RHOBTB3: variants seen among roughly 807,000 people sequenced by gnomAD.
RHOBTB3 encodes rho-related BTB domain-containing protein 3.
Under a neutral mutation model 67.2 loss-of-function variants are expected in RHOBTB3, and 47 were observed. The ratio of observed to expected loss-of-function variants is 0.70; its 90% CI spans 0.55 to 0.89. The LOEUF is 0.89. Ranked by LOEUF, RHOBTB3 falls within the 40% of genes least tolerant of loss-of-function variation. The pLI is 0.00. For synonymous variants in RHOBTB3, 273 were observed against 274.2 expected (o/e 1.00, Z 0.04); for missense variants, 631 against 750.0 (o/e 0.84, Z 1.85).
At chr5:95,727,783 C>G (rs962550324), upstream of RHOBTB3, among the ~76,000 whole-genome samples, 1 of 152,220 alleles carries the variant, frequency 6.6e-6, no homozygotes, top group Admixed American at 6.5e-5. Context: ...AATGGACCAT[C>G]TGTGATATTC....
intron 8 of RHOBTB3, among the ~76,000 whole-genome samples, chr5:95,776,043 ATAT>A (rs1340031338): frequency 6.6e-6 from 1 of 152,208 alleles, no homozygotes; most frequent in Non-Finnish European, 1.5e-5. Context: ...TGTAACTTTG[ATAT>A]TATCAATACA....
At chr5:95,739,224 C>T (rs753735249) in intron 3 of RHOBTB3, among the ~76,000 whole-genome samples, 6 of 152,210 alleles carry the variant, frequency 3.9e-5, no homozygotes, top group East Asian at 1.9e-4. Flanking sequence ...AGACCCAGCC[C>T]GATTCCGCAT....
At chr5:95,733,430 T>A (rs1755363234) in intron 2 of RHOBTB3, among the ~76,000 whole-genome samples, 1 of 152,220 alleles carries the variant, frequency 6.6e-6, no homozygotes, top group South Asian at 2.1e-4. Flanking sequence ...AAAATAAAAC[T>A]AGCTACATTA....
upstream of RHOBTB3, chr5:95,730,746 A>G: frequency 3.1e-6 from 1 of 324,678 alleles, no homozygotes. Flanking sequence ...ATAGTAAATA[A>G]TCCCCCCAAG....
intron 1 of RHOBTB3, among the ~76,000 whole-genome samples, chr5:95,720,540 GC>G (rs1754839644): frequency 6.6e-6 from 1 of 152,160 alleles, no homozygotes; most frequent in Non-Finnish European, 1.5e-5. Context: ...GTGGGTGGTG[GC>G]CTAGTAACAG....
At chr5:95,758,283 C>G (rs909820510) in intron 6 of RHOBTB3, among the ~76,000 whole-genome samples, 1 of 152,226 alleles carries the variant, frequency 6.6e-6, no homozygotes, top group African/African-American at 2.4e-5. Flanking sequence ...ACCCTAGACC[C>G]TTTCCCCGGA....
chr5:95,789,142 T>C, intron 11 of RHOBTB3: 1 of 302,632 alleles, frequency 3.3e-6, no homozygotes, highest in East Asian at 9.4e-5. Context: ...TGACAAAATG[T>C]GTCCTCAGGT....
chr5:95,752,730 A>G lies in RHOBTB3; in HGVS notation c.682+380A>G, dbSNP rs550039924. On this transcript the variant is annotated intron_variant, in intron 5 of 11. Coordinates refer to ENST00000379982, the MANE Select transcript of RHOBTB3 (RefSeq NM_014899.4). The stretch of plus-strand genomic sequence containing the variant: ...GTTCTTGGGACATGGGTTAAATTTT[A>G]ATACGGACTGGAAATTAGATTATAT... Among the ~76,000 whole-genome samples, 6 of 152,352 alleles carry G rather than the reference A, an allele frequency of 3.9e-5. No individual in the cohort carries two copies. In the South Asian group the frequency reaches 1.2e-3, roughly 32 times the overall value.
chr5:95,781,098 GTTC>G (rs1438833372), intron 9 of RHOBTB3, among the ~76,000 whole-genome samples: 1 of 152,188 alleles, frequency 6.6e-6, no homozygotes, highest in African/African-American at 2.4e-5. Flanking sequence ...ATCCAGCAGG[GTTC>G]TTCTAGCTGG....
intron 10 of RHOBTB3, among the ~76,000 whole-genome samples, chr5:95,785,355 G>A (rs112484722): frequency 0.21 from 31,354 of 152,110 alleles, 3,290 homozygotes; most frequent in South Asian, 0.27. Context: ...ACTTTGGGAG[G>A]CCGAGGCTGG....
chr5:95,760,059 C>T (rs1745353704), intron 6 of RHOBTB3, among the ~76,000 whole-genome samples: 1 of 151,726 alleles, frequency 6.6e-6, no homozygotes, highest in African/African-American at 2.4e-5. Flanking sequence ...TCACCATGAA[C>T]ATTTGGTTCG....
chr5:95,793,782 G>A lies in RHOBTB3; in HGVS notation c.*608G>A, dbSNP rs1746491158. On this transcript the variant is annotated 3_prime_UTR_variant, in exon 12 of 12. Transcript: ENST00000379982. Reference sequence around the variant, plus strand: ...TTATCTCCTTTTGGCAATCTGAGTAGGCGGGGAACCTAGGCAGGGCTGGCT... The same window carrying A: ...TTATCTCCTTTTGGCAATCTGAGTAAGCGGGGAACCTAGGCAGGGCTGGCT... 3.4e-6 allele frequency: 1 copy of A among 292,292 alleles called. No homozygotes were observed. The highest frequency in any genetic ancestry group is 4.5e-5 in the Admixed American group (1 of 22,080). The allele number at this position is 292,292 out of a possible 1,614,324, so 18.1% of individuals were successfully genotyped here. A position where few individuals can be genotyped will look rare whatever the true frequency, so the allele number is the denominator to read the frequency against.
chr5:95,769,123 G>T, intron 8 of RHOBTB3: 1 of 366,932 alleles, frequency 2.7e-6, no homozygotes, highest in South Asian at 2.7e-5. Context: ...TCAAGGTGTC[G>T]ACCTTTTAGC....
chr5:95,748,276 T>C, intron 3 of RHOBTB3, 57 bp from the exon 4 acceptor site: 1 of 1,341,166 alleles, frequency 7.5e-7, no homozygotes, highest in Non-Finnish European at 1.0e-6. Context: ...ATTGTCTGTG[T>C]ACCTTTTTTT....
chr5:95,786,509 A>C (rs1251799973), intron 10 of RHOBTB3, among the ~76,000 whole-genome samples: 1 of 152,236 alleles, frequency 6.6e-6, no homozygotes, highest in Non-Finnish European at 1.5e-5. Flanking sequence ...CTCTTAAAAT[A>C]CAAGAGTTGA....
In RHOBTB3 at chr5:95,755,549, A is replaced by T. The variant is rs1433872750; in HGVS notation, c.836A>T (p.His279Leu). 1.2e-6 allele frequency: 2 copies of T among 1,614,172 alleles called. No homozygotes were observed. Among genetic ancestry groups the T allele is most frequent in the African/African-American group, 1.3e-5 (1 of 75,050 alleles). Residue 279 changes from histidine to leucine, a missense_variant, in exon 6 of 12, where the codon CAT becomes CTT. His to Leu is a moderately conservative substitution (Grantham distance 99). Coordinates refer to ENST00000379982, the MANE Select transcript of RHOBTB3 (RefSeq NM_014899.4). ...AAGATCGTTCTCTGCGCTGTAAGCC[A>T]TGTTTTCATGCTGCTTTTCAATGTG... The part of the protein sequence containing the change: ...AHKIVLCAVS[H>L]VFMLLFNVKS...
At chr5:95,759,212 G>A (rs1422979326) in intron 6 of RHOBTB3, among the ~76,000 whole-genome samples, 2 of 152,194 alleles carry the variant, frequency 1.3e-5, no homozygotes, top group East Asian at 3.9e-4. Flanking sequence ...GTCCCATTTC[G>A]GCTGTGATCT....
Position 95,768,042 on chromosome 5 carries a change from A to G in RHOBTB3, c.1162-4A>G. On this transcript the variant is annotated splice_polypyrimidine_tract_variant and splice_region_variant and intron_variant, in intron 7 of 11. Transcript: ENST00000379982. ...TTTCCCTGTATTTTTGTTTTCCCTT[A>G]TAGATTAATTGCCTAAGGAATTGCA... The G allele has an allele frequency of 1.2e-6, 2 of 1,612,640 alleles. No homozygotes were observed. Among genetic ancestry groups the G allele is most frequent in the South Asian group, 1.1e-5 (1 of 90,864 alleles).
chr5:95,747,829 A>G (rs1364956195), intron 3 of RHOBTB3, among the ~76,000 whole-genome samples: 1 of 152,242 alleles, frequency 6.6e-6, no homozygotes, highest in African/African-American at 2.4e-5. Flanking sequence ...TTACAAAGAG[A>G]GTGACAATTT....
Sources: gnomAD v4.1 joint callset for allele counts (sites outside exome capture counted in the v4.1 genomes callset) on GRCh38, gnomAD v4.1.1 for gene constraint, MANE v1.5 for transcripts, NCBI Gene and HGNC (gene_info 2026-07-23, HGNC 2026-07-21) for gene names.